The following DOCK1 variants were observed in gnomAD, a reference collection of about 807,000 sequenced individuals.
The protein encoded by DOCK1 is dedicator of cytokinesis protein 1.
DOCK1 carries 138 observed loss-of-function variants against 262.7 expected under a neutral mutation model. The ratio of observed to expected loss-of-function variants is 0.53; its 90% CI spans 0.46 to 0.61. DOCK1 has a LOEUF of 0.61. Among genes scored for constraint, DOCK1 ranks in the 20% least tolerant of loss-of-function variants. The pLI is 0.00. For missense variants in DOCK1, 1,908 were observed against 2,370.7 expected (o/e 0.80, Z 4.05); for synonymous variants, 866 against 867.4 (o/e 1.00, Z 0.03).
Position 127,042,731 on chromosome 10 carries a change from T to C in DOCK1, c.2100+17T>C. On this transcript the variant is annotated intron_variant, in intron 20 of 51. Transcript: ENST00000623213. ...GATGCTCTGGTAAGAGAGCTTTCCT[T>C]CTCATATGCTTGGATAACACAGCGT... 2 of 1,612,362 alleles carry C rather than the reference T, an allele frequency of 1.2e-6. No homozygotes were observed. Among genetic ancestry groups the C allele is most frequent in the Middle Eastern group, 1.7e-4 (1 of 6,058 alleles).
intron 27 of DOCK1, among the ~76,000 whole-genome samples, chr10:127,143,956 G>T (rs1018874738): frequency 2.6e-5 from 4 of 152,096 alleles, no homozygotes; most frequent in African/African-American, 9.7e-5. Context: ...GACTCAGCCT[G>T]CAGCCCCCAT....
At chr10:127,326,041 T>G (rs1156286430) in intron 29 of DOCK1, among the ~76,000 whole-genome samples, 1 of 152,254 alleles carries the variant, frequency 6.6e-6, no homozygotes, top group Non-Finnish European at 1.5e-5. Context: ...ATAGAAATAC[T>G]TTATTGTTAA....
rs185359344 is a variant in DOCK1 at position 126,916,966 on chromosome 10, A to G, written c.46+11403A>G. On this transcript the variant is annotated intron_variant, in intron 1 of 51. Transcript: ENST00000623213. ...CCAGTTTGTCACAGTGCAGAGAGACAGGTGGGAGCTGTGCGAGGCCAGCGG... is the reference window on the plus strand; with the variant it reads ...CCAGTTTGTCACAGTGCAGAGAGACGGGTGGGAGCTGTGCGAGGCCAGCGG... Among the ~76,000 whole-genome samples, 6 of 144,576 alleles carry G rather than the reference A, an allele frequency of 4.2e-5. 2 individuals are homozygous for G. The East Asian group carries it at 1.3e-3, about 32-fold the overall frequency. 94.8% of individuals were successfully genotyped at this position (144,576 alleles called of 152,430 possible). A position where few individuals can be genotyped will look rare whatever the true frequency, so the allele number is the denominator to read the frequency against.
intron 30 of DOCK1, 137 bp from the exon 31 acceptor site, chr10:127,343,509 T>G: frequency 1.4e-6 from 1 of 696,958 alleles, no homozygotes; most frequent in Non-Finnish European, 2.3e-6. Context: ...GTTAGCAACA[T>G]GTATAGAGTG....
At chr10:127,352,176 G>A (rs1286773719) in intron 31 of DOCK1, among the ~76,000 whole-genome samples, 4 of 137,584 alleles carry the variant, frequency 2.9e-5, no homozygotes, top group Non-Finnish European at 6.3e-5. Flanking sequence ...GGGGAGCATC[G>A]GGGAGGGGTG....
At position 127,113,783 on chromosome 10, in the gene DOCK1, G is replaced by T. The variant is rs141056688; in HGVS notation, c.2623+3429G>T. 2.6e-5 allele frequency among the ~76,000 whole-genome samples: 4 copies of T among 152,228 alleles called. No individual in the cohort carries two copies. The East Asian group carries it at 7.8e-4, about 30-fold the overall frequency. On this transcript the variant is annotated intron_variant, in intron 25 of 51. Coordinates refer to ENST00000623213, the MANE Select transcript of DOCK1 (RefSeq NM_001290223.2). ...GAGGACACCAGGCCTGCGTCACTGC[G>T]GCCATTTGCTCACAGAGCATTCAGC...
At chr10:127,081,523 G>A (rs946762527) in intron 23 of DOCK1, among the ~76,000 whole-genome samples, 1 of 152,034 alleles carries the variant, frequency 6.6e-6, no homozygotes, top group Non-Finnish European at 1.5e-5. Flanking sequence ...GGGTCAGTGT[G>A]TTTCTTGTGT....
At chr10:127,330,829 C>A (rs1251348531) in intron 29 of DOCK1, among the ~76,000 whole-genome samples, 5 of 152,198 alleles carry the variant, frequency 3.3e-5, no homozygotes, top group Admixed American at 3.3e-4. Context: ...GAAACACACA[C>A]ATGTGTGATT....
intron 38 of DOCK1, among the ~76,000 whole-genome samples, chr10:127,396,182 C>T (rs1256323345): frequency 6.7e-6 from 1 of 148,936 alleles, no homozygotes; most frequent in Admixed American, 6.7e-5. Flanking sequence ...GGCCAGGTTA[C>T]GGCTGCAGTG....
At chr10:127,217,319 A>T (rs1042972354) in intron 27 of DOCK1, among the ~76,000 whole-genome samples, 1 of 152,186 alleles carries the variant, frequency 6.6e-6, no homozygotes, top group Non-Finnish European at 1.5e-5. Context: ...GTAGTTTCAC[A>T]CTGGGCTTTA....
At chr10:127,336,747 G>C (rs1438039295) in intron 29 of DOCK1, among the ~76,000 whole-genome samples, 2 of 152,140 alleles carry the variant, frequency 1.3e-5, no homozygotes, top group African/African-American at 2.4e-5. Context: ...CACTGTGTTA[G>C]CCAGGATGGT....
At chr10:127,261,378 T>G (rs1208422681) in intron 29 of DOCK1, among the ~76,000 whole-genome samples, 8 of 138,180 alleles carry the variant, frequency 5.8e-5, no homozygotes. Context: ...TGCATGTGGG[T>G]GTGTGTGTAC....
At chr10:127,064,854 T>C (rs957049151) in intron 23 of DOCK1, among the ~76,000 whole-genome samples, 1 of 152,174 alleles carries the variant, frequency 6.6e-6, no homozygotes, top group African/African-American at 2.4e-5. Flanking sequence ...TTTAGAACTT[T>C]TACGTCTTTC....
chr10:127,420,547 T>TG (rs1236588726), intron 46 of DOCK1, among the ~76,000 whole-genome samples: 1 of 150,980 alleles, frequency 6.6e-6, no homozygotes. Flanking sequence ...TTGAGGGAGG[T>TG]GGGGGCAAAG....
chr10:127,342,672 C>G (rs915379994), intron 30 of DOCK1, among the ~76,000 whole-genome samples: 3 of 152,176 alleles, frequency 2.0e-5, no homozygotes, highest in African/African-American at 4.8e-5. Flanking sequence ...TTTTATAGAA[C>G]TCTTTGCAGC....
chr10:127,292,847 C>T (rs912894089), intron 29 of DOCK1, among the ~76,000 whole-genome samples: 2 of 152,074 alleles, frequency 1.3e-5, no homozygotes, highest in African/African-American at 2.4e-5. Flanking sequence ...TTCAACCCGC[C>T]GAGAGCTGAT....
At chr10:127,028,113 T>C (rs111522665) in intron 16 of DOCK1, among the ~76,000 whole-genome samples, 44 of 152,146 alleles carry the variant, frequency 2.9e-4, no homozygotes, top group African/African-American at 1.0e-3. Context: ...CATCATTGCA[T>C]TCCTGTCCTG....
At chr10:127,178,014 G>GC (rs2055343876) in intron 27 of DOCK1, among the ~76,000 whole-genome samples, 1 of 152,172 alleles carries the variant, frequency 6.6e-6, no homozygotes. Context: ...AACAGACAGA[G>GC]GCATGACCCC....
At chr10:126,984,161 T>C (rs186950279) in intron 4 of DOCK1, among the ~76,000 whole-genome samples, 12 of 152,182 alleles carry the variant, frequency 7.9e-5, no homozygotes, top group African/African-American at 2.6e-4. Context: ...TGCGTTTCCC[T>C]CTTCAGCTGA....
Sources: allele counts gnomAD v4.1 joint callset (sites outside exome capture counted in the v4.1 genomes callset), GRCh38; gene constraint gnomAD v4.1.1; transcripts MANE v1.5; gene names NCBI Gene and HGNC (gene_info 2026-07-23, HGNC 2026-07-21).